The following MIEF1 variants were observed in gnomAD, a reference collection of about 807,000 sequenced individuals.
MIEF1 encodes mitochondrial dynamics protein MIEF1.
In MIEF1, 14 loss-of-function variants were observed where a neutral mutation model predicts 35.1. The observed-to-expected ratio is 0.40, with a 90% CI of 0.26 to 0.62. The LOEUF (loss-of-function observed/expected upper bound fraction) is 0.62, where lower values mean the gene tolerates loss of function less well. Among genes scored for constraint, MIEF1 ranks in the 20% least tolerant of loss-of-function variants. The pLI, the probability that MIEF1 is intolerant of heterozygous loss-of-function variation, is 0.43. For missense variants in MIEF1, 542 were observed against 615.4 expected (o/e 0.88, Z 1.26); for synonymous variants, 245 against 254.3 (o/e 0.96, Z 0.35).
In MIEF1 at chr22:39,504,240, T is replaced by G. The variant is rs2145741126; in HGVS notation, c.-302T>G. 1 of 399,328 alleles carries G rather than the reference T, an allele frequency of 2.5e-6. No homozygotes were observed. Among genetic ancestry groups the G allele is most frequent in the East Asian group, 3.6e-5 (1 of 28,086 alleles). The allele number at this position is 399,328 out of a possible 1,614,324, so 24.7% of individuals were successfully genotyped here. ...CCCCTGCCAGTCCCCCATGGCCCCG[T>G]GGAGCCGAGAGGCGGTGCTGAGTCT... On this transcript the variant is annotated 5_prime_UTR_variant, in exon 2 of 6. Coordinates refer to ENST00000325301, the MANE Select transcript of MIEF1 (RefSeq NM_019008.6).
rs1014635007 is a variant in MIEF1, at chr22:39,517,528, G to A, written c.*3205G>A. ...CTTGAAGGGGAATCAGCTTCAGGAT[G>A]GAAGGACCCAGGAGAGGCCCCGAGG... is the stretch of plus-strand genomic sequence containing the variant. On this transcript the variant is annotated 3_prime_UTR_variant, in exon 6 of 6. Coordinates refer to ENST00000325301, the MANE Select transcript of MIEF1 (RefSeq NM_019008.6). The A allele has an allele frequency of 2.1e-6, 1 of 471,042 alleles. No homozygotes were observed. The highest frequency in any genetic ancestry group is 2.3e-5 in the Admixed American group (1 of 42,570). 29.2% of individuals were successfully genotyped at this position (471,042 alleles called of 1,614,324 possible). A position where few individuals can be genotyped will look rare whatever the true frequency, so the allele number is the denominator to read the frequency against.
chr22:39,500,920 T>C (rs1929669503), upstream of MIEF1, among the ~76,000 whole-genome samples: 1 of 152,044 alleles, frequency 6.6e-6, no homozygotes, highest in African/African-American at 2.4e-5. Context: ...GGTCTCGAAC[T>C]CCTGACCTCA....
At chr22:39,510,017 C>T (rs985351546) in intron 2 of MIEF1, among the ~76,000 whole-genome samples, 5 of 151,974 alleles carry the variant, frequency 3.3e-5, no homozygotes, top group East Asian at 3.9e-4. Flanking sequence ...AGAGTGCAAT[C>T]GTGTGATCTC....
chr22:39,504,420 G>A lies in MIEF1; in HGVS notation c.-122G>A. The A allele has an allele frequency of 1.5e-5, 6 of 398,996 alleles. No individual in the cohort carries two copies. Among genetic ancestry groups the A allele is most frequent in the East Asian group, 3.6e-5 (1 of 28,076 alleles). The allele number at this position is 398,996 out of a possible 1,614,324, so 24.7% of individuals were successfully genotyped here. On this transcript the variant is annotated 5_prime_UTR_variant, in exon 2 of 6. Coordinates refer to ENST00000325301, the MANE Select transcript of MIEF1 (RefSeq NM_019008.6). ...GGAGAAGGGCCTGGTCTTTCTCAAC[G>A]GCAAATTGGGGAGGATCATTTAGGA...
At position 39,515,423 on chromosome 22, in the gene MIEF1, C is replaced by T. The variant is rs748684505; in HGVS notation, c.*1100C>T. 6.9e-5 allele frequency: 48 copies of T among 694,082 alleles called. No homozygotes were observed. The highest frequency in any genetic ancestry group is 6.3e-4 in the African/African-American group (36 of 56,862). The allele number at this position is 694,082 out of a possible 1,614,324, so 43.0% of individuals were successfully genotyped here. On this transcript the variant is annotated 3_prime_UTR_variant, in exon 6 of 6. Coordinates refer to ENST00000325301, the MANE Select transcript of MIEF1 (RefSeq NM_019008.6). Reference sequence around the variant, plus strand: ...ACCCAACAGCCAGCCCTTCATCCTCCAGCGTCTGCCATAGGAATGTGAGAG... The same window carrying T: ...ACCCAACAGCCAGCCCTTCATCCTCTAGCGTCTGCCATAGGAATGTGAGAG...
Position 39,517,244 on chromosome 22 carries a change from T to C in MIEF1, c.*2921T>C, listed in dbSNP as rs922478290. The C allele has an allele frequency of 5.6e-6, 1 of 180,038 alleles. No homozygotes were observed. The highest frequency in any genetic ancestry group is 1.7e-4 in the East Asian group (1 of 5,976). The allele number at this position is 180,038 out of a possible 1,614,324, so 11.2% of individuals were successfully genotyped here. ...GCCTAACACTTAAAAAATGCACTCATTATCTTAAACCTAATAAATTCCAGA... is the reference window on the plus strand; with the variant it reads ...GCCTAACACTTAAAAAATGCACTCACTATCTTAAACCTAATAAATTCCAGA... On this transcript the variant is annotated 3_prime_UTR_variant, in exon 6 of 6. Coordinates refer to ENST00000325301, the MANE Select transcript of MIEF1 (RefSeq NM_019008.6).
rs1184667372 is a variant in MIEF1 at position 39,517,518 on chromosome 22, G to C, written c.*3195G>C. On this transcript the variant is annotated 3_prime_UTR_variant, in exon 6 of 6. Transcript: ENST00000325301. Reference sequence around the variant, plus strand: ...TTCAAATAGTCTTGAAGGGGAATCAGCTTCAGGATGGAAGGACCCAGGAGA... The same window carrying C: ...TTCAAATAGTCTTGAAGGGGAATCACCTTCAGGATGGAAGGACCCAGGAGA... 1 of 471,126 alleles carries C rather than the reference G, an allele frequency of 2.1e-6. No individual in the cohort carries two copies. The highest frequency in any genetic ancestry group is 2.3e-5 in the Admixed American group (1 of 42,582). 29.2% of individuals were successfully genotyped at this position (471,126 alleles called of 1,614,324 possible). A position where few individuals can be genotyped will look rare whatever the true frequency, so the allele number is the denominator to read the frequency against.
At chr22:39,509,901 A>G (rs1802159506) in intron 2 of MIEF1, among the ~76,000 whole-genome samples, 1 of 152,212 alleles carries the variant, frequency 6.6e-6, no homozygotes, top group African/African-American at 2.4e-5. Flanking sequence ...AGCATGGTAC[A>G]GTAGAAAAAG....
In MIEF1 at chr22:39,516,964, C is replaced by T. The variant is rs11703406; in HGVS notation, c.*2641C>T. On this transcript the variant is annotated 3_prime_UTR_variant, in exon 6 of 6. Transcript: ENST00000325301. Reference sequence around the variant, plus strand: ...GTTTGCTGACCATGACTGGGCAAGCCGTTCTTTTTGCTGCCATCTTCCTCA... The same window carrying T: ...GTTTGCTGACCATGACTGGGCAAGCTGTTCTTTTTGCTGCCATCTTCCTCA... 0.015 allele frequency: 2,266 copies of T among 152,406 alleles called. 36 individuals are homozygous for T. Among genetic ancestry groups the T allele is most frequent in the South Asian group, 0.021 (103 of 4,830 alleles). 9.4% of individuals were successfully genotyped at this position (152,406 alleles called of 1,614,324 possible). A position where few individuals can be genotyped will look rare whatever the true frequency, so the allele number is the denominator to read the frequency against.
Position 39,516,965 on chromosome 22 carries a change from G to C in MIEF1, c.*2642G>C, listed in dbSNP as rs1194144866. ...TTTGCTGACCATGACTGGGCAAGCCGTTCTTTTTGCTGCCATCTTCCTCAT... is the reference window on the plus strand; with the variant it reads ...TTTGCTGACCATGACTGGGCAAGCCCTTCTTTTTGCTGCCATCTTCCTCAT... On this transcript the variant is annotated 3_prime_UTR_variant, in exon 6 of 6. Coordinates refer to ENST00000325301, the MANE Select transcript of MIEF1 (RefSeq NM_019008.6). 1 of 152,278 alleles carries C rather than the reference G, an allele frequency of 6.6e-6. No homozygotes were observed. The highest frequency in any genetic ancestry group is 1.5e-5 in the Non-Finnish European group (1 of 68,130). 9.4% of individuals were successfully genotyped at this position (152,278 alleles called of 1,614,324 possible).
chr22:39,508,306 G>C (rs1384972907), intron 2 of MIEF1, among the ~76,000 whole-genome samples: 7 of 152,196 alleles, frequency 4.6e-5, no homozygotes. Context: ...TCTGTCATCT[G>C]TAGCACCACC....
At chr22:39,504,865 A>G (rs1045233316) in intron 2 of MIEF1, among the ~76,000 whole-genome samples, 2 of 152,196 alleles carry the variant, frequency 1.3e-5, no homozygotes, top group African/African-American at 4.8e-5. Flanking sequence ...AGGAATAAGC[A>G]AATGCCTGGA....
At chr22:39,503,173 T>A (rs1382663958) in intron 1 of MIEF1, 1 of 152,130 alleles carries the variant, frequency 6.6e-6, no homozygotes, top group Non-Finnish European at 1.5e-5. Context: ...GGGTAACTCA[T>A]TCCAGAGGCA....
chr22:39,508,431 T>A (rs1290484712), intron 2 of MIEF1, among the ~76,000 whole-genome samples: 3 of 152,242 alleles, frequency 2.0e-5, no homozygotes, highest in Non-Finnish European at 2.9e-5. Context: ...TCAAGGATCA[T>A]TTAGAGGGCA....
At position 39,512,020 on chromosome 22, in the gene MIEF1, G is replaced by A. The variant is rs1282133580; in HGVS notation, c.316G>A (p.Asp106Asn). ...QTLPTDSSTF[D>N]TDTFCPPRPK... is the part of the protein sequence containing the mutation. ...CCTTCCCACAGACTCCTCCACCTTC[G>A]ACACAGGTGAGAAGGGCTGCTGCCC... The change falls in exon 4 of 6, where the codon GAC becomes AAC. Residue 106 changes from aspartate (D) to asparagine (N), a missense_variant. Coordinates refer to ENST00000325301, the MANE Select transcript of MIEF1 (RefSeq NM_019008.6). The A allele has an allele frequency of 3.7e-6, 6 of 1,612,320 alleles. No individual in the cohort carries two copies. The highest frequency in any genetic ancestry group is 5.1e-6 in the Non-Finnish European group (6 of 1,179,208).
At chr22:39,508,913 G>A (rs530650888) in intron 2 of MIEF1, among the ~76,000 whole-genome samples, 6 of 152,290 alleles carry the variant, frequency 3.9e-5, no homozygotes, top group South Asian at 2.1e-4. Flanking sequence ...AGGCAGGAGC[G>A]TAAGATGTGG....
intron 2 of MIEF1, among the ~76,000 whole-genome samples, chr22:39,510,924 T>TCCC (rs1395015350): frequency 1.3e-5 from 2 of 151,150 alleles, no homozygotes; most frequent in African/African-American, 4.9e-5. Flanking sequence ...CATTATAACA[T>TCCC]TGTGAAGGGG....
rs979600648 is a variant in MIEF1, at chr22:39,516,017, T to G, written c.*1694T>G. On this transcript the variant is annotated 3_prime_UTR_variant, in exon 6 of 6. Coordinates refer to ENST00000325301, the MANE Select transcript of MIEF1 (RefSeq NM_019008.6). ...CCTTGACTATATTTAGAGGTCTTTT[T>G]GCCTCTTTTCCCCTTAACAAGGATT... 6.6e-6 allele frequency: 1 copy of G among 152,308 alleles called. No homozygotes were observed. The highest frequency in any genetic ancestry group is 1.5e-5 in the Non-Finnish European group (1 of 68,098). The allele number at this position is 152,308 out of a possible 1,614,324, so 9.4% of individuals were successfully genotyped here. A position where few individuals can be genotyped will look rare whatever the true frequency, so the allele number is the denominator to read the frequency against.
chr22:39,510,122 C>G lies in MIEF1; in HGVS notation c.-7-1166C>G, dbSNP rs199677415. Among the ~76,000 whole-genome samples the G allele has an allele frequency of 1.4e-4, 21 of 152,158 alleles. No homozygotes were observed. The East Asian group carries it at 4.1e-3, about 29-fold the overall frequency. On this transcript the variant is annotated intron_variant, in intron 2 of 5. Coordinates refer to ENST00000325301, the MANE Select transcript of MIEF1 (RefSeq NM_019008.6). ...TACAGGCATGCGCTGTCACATCTGG[C>G]TAATTTTATATTTTTAGTAGTGACG...
Sources: gnomAD v4.1 joint callset for allele counts (sites outside exome capture counted in the v4.1 genomes callset) on GRCh38, gnomAD v4.1.1 for gene constraint, MANE v1.5 for transcripts, NCBI Gene and HGNC (gene_info 2026-07-23, HGNC 2026-07-21) for gene names.